HPSE2: variants seen among roughly 807,000 people sequenced by gnomAD.
The protein encoded by HPSE2 is heparanase 2 (inactive).
Under a neutral mutation model 60.5 loss-of-function variants are expected in HPSE2, and 38 were observed. That is an observed-to-expected ratio of 0.63 (90% CI 0.48 to 0.82). The LOEUF (loss-of-function observed/expected upper bound fraction) is 0.82. Among genes scored for constraint, HPSE2 ranks in the 40% least tolerant of loss-of-function variants. HPSE2 has a pLI of 0.00. For synonymous variants in HPSE2, 295 were observed against 293.2 expected, an observed-to-expected ratio of 1.01 and a Z score of -0.06; for missense variants, 713 against 740.4, an observed-to-expected ratio of 0.96 and a Z score of 0.43.
At chr10:98,539,456 G>T (rs988729281) in intron 9 of HPSE2, among the ~76,000 whole-genome samples, 5 of 152,166 alleles carry the variant, frequency 3.3e-5, no homozygotes, top group Non-Finnish European at 7.3e-5. Flanking sequence ...GGGAGGCGGA[G>T]GTTGCAGTGA....
chr10:98,982,003 C>T (rs1043933573), intron 3 of HPSE2, among the ~76,000 whole-genome samples: 3 of 152,008 alleles, frequency 2.0e-5, no homozygotes, highest in Non-Finnish European at 4.4e-5. Flanking sequence ...TAAAGCACTG[C>T]TTCCAAATTA....
At chr10:99,040,102 T>A (rs916794676) in intron 3 of HPSE2, among the ~76,000 whole-genome samples, 1 of 152,204 alleles carries the variant, frequency 6.6e-6, no homozygotes, top group African/African-American at 2.4e-5. Context: ...AGGTACAGTT[T>A]TCTTTTTGTA....
rs1302467124 is a variant in HPSE2, at chr10:98,513,341, T to C, written c.1321-23145A>G. 3.9e-5 allele frequency among the ~76,000 whole-genome samples: 6 copies of C among 152,248 alleles called. No homozygotes were observed. The East Asian group carries it at 1.2e-3, about 29-fold the overall frequency. On this transcript the variant is annotated intron_variant, in intron 9 of 11. Transcript: ENST00000370552. ...ATAGTGGGAGGAGGCATTAGCTCAG[T>C]TGGGGTTCCACGGAGCAGCCAGTGG...
intron 3 of HPSE2, among the ~76,000 whole-genome samples, chr10:98,902,523 C>T (rs573539479): frequency 3.9e-4 from 59 of 152,190 alleles, no homozygotes; most frequent in African/African-American, 1.4e-3. Context: ...TGATGCTCTG[C>T]TTCTCCTTTG....
At chr10:99,111,499 G>A (rs1051826448) in intron 3 of HPSE2, among the ~76,000 whole-genome samples, 1 of 152,138 alleles carries the variant, frequency 6.6e-6, no homozygotes, top group Non-Finnish European at 1.5e-5. Context: ...CTTATATAAG[G>A]AGAAGAGAGA....
At chr10:98,590,325 C>G (rs1376771788) in intron 9 of HPSE2, among the ~76,000 whole-genome samples, 1 of 152,136 alleles carries the variant, frequency 6.6e-6, no homozygotes, top group Non-Finnish European at 1.5e-5. Context: ...ACCTGTAGTC[C>G]CAGCTACTCA....
At chr10:98,596,870 T>A (rs1044740689) in intron 9 of HPSE2, among the ~76,000 whole-genome samples, 2 of 152,174 alleles carry the variant, frequency 1.3e-5, no homozygotes. Context: ...ACTGTATTAA[T>A]TCGTTCTCAT....
At chr10:99,128,844 AT>A (rs1432765727) in intron 3 of HPSE2, among the ~76,000 whole-genome samples, 11 of 152,174 alleles carry the variant, frequency 7.2e-5, no homozygotes, top group Non-Finnish European at 1.0e-4. Context: ...TTAAAATAAA[AT>A]TTAATTTCAT....
chr10:99,113,270 C>A (rs961088524), intron 3 of HPSE2, among the ~76,000 whole-genome samples: 2 of 152,114 alleles, frequency 1.3e-5, no homozygotes, highest in Non-Finnish European at 2.9e-5. Flanking sequence ...AAGTAGTTTG[C>A]ACAAGCTCCA....
At chr10:99,101,398 T>C (rs1030856235) in intron 3 of HPSE2, among the ~76,000 whole-genome samples, 1 of 152,144 alleles carries the variant, frequency 6.6e-6, no homozygotes, top group African/African-American at 2.4e-5. Context: ...AAGAAGGACA[T>C]TACATAATGG....
At chr10:98,953,775 T>C (rs771799014) in intron 3 of HPSE2, among the ~76,000 whole-genome samples, 10 of 152,162 alleles carry the variant, frequency 6.6e-5, no homozygotes, top group Non-Finnish European at 1.5e-4. Context: ...TCAATAAACC[T>C]AGGTCTTCAC....
chr10:98,734,338 G>A (rs1345381714), intron 4 of HPSE2, among the ~76,000 whole-genome samples: 4 of 152,092 alleles, frequency 2.6e-5, no homozygotes, highest in African/African-American at 9.7e-5. Context: ...TTGTATGGAT[G>A]TATGTTTTCA....
chr10:99,230,552 T>C (rs915146546), intron 2 of HPSE2, among the ~76,000 whole-genome samples: 1 of 152,120 alleles, frequency 6.6e-6, no homozygotes, highest in African/African-American at 2.4e-5. Context: ...TAATTTTATA[T>C]AGTTTTACAG....
At chr10:99,035,782 T>C (rs1349915014) in intron 3 of HPSE2, among the ~76,000 whole-genome samples, 1 of 152,192 alleles carries the variant, frequency 6.6e-6, no homozygotes, top group Admixed American at 6.5e-5. Flanking sequence ...ATATATGTAG[T>C]CCATCATTGA....
intron 6 of HPSE2, among the ~76,000 whole-genome samples, chr10:98,674,470 AG>A (rs1173156906): frequency 6.6e-6 from 1 of 152,262 alleles, no homozygotes; most frequent in Non-Finnish European, 1.5e-5. Flanking sequence ...TGAAGACATG[AG>A]AACAGTAATC....
intron 2 of HPSE2, among the ~76,000 whole-genome samples, chr10:99,166,795 C>G (rs979688044): frequency 6.6e-6 from 1 of 150,412 alleles, no homozygotes; most frequent in Non-Finnish European, 1.5e-5. Context: ...CCTTCCAAGC[C>G]GAGATTGCAC....
At chr10:99,290,642 T>C in the HPSE2 span, among the ~76,000 whole-genome samples, 1 of 152,156 alleles carries the variant, frequency 6.6e-6, no homozygotes, top group African/African-American at 2.4e-5. Context: ...TGGCCCATAG[T>C]GGGTTGGGGC....
rs184540327 is a variant in HPSE2, at chr10:98,951,386, G to A, written c.610+192852C>T. Among the ~76,000 whole-genome samples the A allele has an allele frequency of 2.4e-4, 37 of 152,232 alleles. No individual in the cohort carries two copies. The East Asian group carries it at 6.6e-3, about 27-fold the overall frequency. ...AAATGACAGTCAGCATGTGTGATAC[G>A]TGGAGCCTCTGCACTAGATGTTCTT... On this transcript the variant is annotated intron_variant, in intron 3 of 11. Transcript: ENST00000370552.
At chr10:99,248,432 G>A in the HPSE2 span, among the ~76,000 whole-genome samples, 1 of 152,326 alleles carries the variant, frequency 6.6e-6, no homozygotes, top group South Asian at 2.1e-4. Flanking sequence ...GTATCCAGTG[G>A]AAGAAGTTTC....
Sources: gnomAD v4.1 joint callset for allele counts (sites outside exome capture counted in the v4.1 genomes callset) on GRCh38, gnomAD v4.1.1 for gene constraint, MANE v1.5 for transcripts, NCBI Gene and HGNC (gene_info 2026-07-23, HGNC 2026-07-21) for gene names.